SNX3: variants seen among roughly 807,000 people sequenced by gnomAD.
SNX3 encodes sorting nexin-3.
In SNX3, 5 loss-of-function variants were observed where a neutral mutation model predicts 17.7. The observed-to-expected ratio is 0.28, with a 90% CI of 0.15 to 0.59. The LOEUF (loss-of-function observed/expected upper bound fraction) is 0.59. Ranked by LOEUF, SNX3 falls within the 20% of genes least tolerant of loss-of-function variation. SNX3 has a pLI of 0.88. For synonymous variants in SNX3, 91 were observed against 76.5 expected (o/e 1.19, Z -0.99); for missense variants, 132 against 206.8 (o/e 0.64, Z 2.22).
chr6:108,250,509 C>G (rs1202645092), intron 1 of SNX3, among the ~76,000 whole-genome samples: 1 of 152,144 alleles, frequency 6.6e-6, no homozygotes, highest in East Asian at 1.9e-4. Flanking sequence ...CAGTTATATA[C>G]CATGGGGGAA....
intron 1 of SNX3, among the ~76,000 whole-genome samples, chr6:108,238,461 A>G (rs867862621): frequency 6.6e-6 from 1 of 152,108 alleles, no homozygotes; most frequent in African/African-American, 2.4e-5. Flanking sequence ...TTACACCACT[A>G]CATATCAAAA....
intron 1 of SNX3, among the ~76,000 whole-genome samples, chr6:108,251,788 T>G (rs1201504791): frequency 6.6e-6 from 1 of 152,174 alleles, no homozygotes; most frequent in African/African-American, 2.4e-5. Flanking sequence ...AAAGAAGTAG[T>G]GGCCAGGCGC....
At chr6:108,241,138 C>T (rs1486196191) in intron 1 of SNX3, among the ~76,000 whole-genome samples, 1 of 101,472 alleles carries the variant, frequency 9.9e-6, no homozygotes, top group African/African-American at 3.9e-5. Flanking sequence ...AGCAAGACTC[C>T]GTCTCAAAAA....
chr6:108,233,041 T>A (rs1775220101), intron 1 of SNX3, among the ~76,000 whole-genome samples: 1 of 152,226 alleles, frequency 6.6e-6, no homozygotes, highest in Admixed American at 6.5e-5. Context: ...GTGATACAAT[T>A]CCTCCTTATT....
rs11537584 is a variant in SNX3, at chr6:108,260,910, G to A, written c.12C>T (p.Thr4=). The part of the protein sequence containing the change: MAE[T]VADTRRLITK... The stretch of plus-strand genomic sequence containing the variant: ...TGATCAGCCGCCGGGTGTCAGCCAC[G>A]GTCTCCGCCATTTCGCTGTAGCTGC... Residue 4 remains threonine, a synonymous_variant, in exon 1 of 4, where the codon ACC becomes ACT. Transcript: ENST00000230085. 9.4e-6 allele frequency: 15 copies of A among 1,596,164 alleles called. No homozygotes were observed. The highest frequency in any genetic ancestry group is 6.8e-6 in the Non-Finnish European group (8 of 1,170,972).
intron 2 of SNX3, 128 bp downstream of exon 2, chr6:108,222,822 T>C (rs1446680744): frequency 4.4e-6 from 3 of 684,380 alleles, no homozygotes; most frequent in African/African-American, 1.8e-5. Context: ...AAAATGACAC[T>C]GAACTATTTG....
intron 1 of SNX3, among the ~76,000 whole-genome samples, chr6:108,225,011 G>A (rs909972745): frequency 6.6e-6 from 1 of 152,174 alleles, no homozygotes; most frequent in Non-Finnish European, 1.5e-5. Flanking sequence ...GGCAGGGCGC[G>A]GTGGCTCATG....
chr6:108,228,355 C>T (rs894766890), intron 1 of SNX3, among the ~76,000 whole-genome samples: 3 of 152,178 alleles, frequency 2.0e-5, no homozygotes, highest in Admixed American at 1.3e-4. Flanking sequence ...TCGCGACCAG[C>T]CTGGACAACA....
At chr6:108,259,032 T>C (rs1325187818) in intron 1 of SNX3, among the ~76,000 whole-genome samples, 2 of 151,966 alleles carry the variant, frequency 1.3e-5, no homozygotes, top group Admixed American at 6.6e-5. Context: ...AGTTCTGTTT[T>C]AGCACAAGAA....
chr6:108,221,445 G>C (rs1307169269), intron 2 of SNX3, among the ~76,000 whole-genome samples: 1 of 148,672 alleles, frequency 6.7e-6, no homozygotes, highest in Admixed American at 6.7e-5. Flanking sequence ...CACAAAGGAC[G>C]AGCTAAAATG....
intron 3 of SNX3, among the ~76,000 whole-genome samples, chr6:108,214,067 T>A (rs1189218031): frequency 6.6e-6 from 1 of 152,190 alleles, no homozygotes; most frequent in East Asian, 1.9e-4. Flanking sequence ...AAAGAATACA[T>A]TTTACCATGA....
At chr6:108,238,111 A>C (rs1186712116) in intron 1 of SNX3, among the ~76,000 whole-genome samples, 6 of 151,412 alleles carry the variant, frequency 4.0e-5, no homozygotes, top group Admixed American at 2.0e-4. Flanking sequence ...CAAAAAAAAA[A>C]AAAAAAAAAC....
At chr6:108,219,720 C>T (rs1774697158) in intron 2 of SNX3, among the ~76,000 whole-genome samples, 1 of 152,182 alleles carries the variant, frequency 6.6e-6, no homozygotes, top group Non-Finnish European at 1.5e-5. Flanking sequence ...AATTCCTTTC[C>T]CACTGAATGA....
intron 1 of SNX3, among the ~76,000 whole-genome samples, chr6:108,235,690 G>A (rs564599800): frequency 6.6e-6 from 1 of 152,148 alleles, no homozygotes; most frequent in Non-Finnish European, 1.5e-5. Context: ...GAGGTCAGGA[G>A]ATCACGACTA....
At chr6:108,259,475 G>A (rs186202212) in intron 1 of SNX3, among the ~76,000 whole-genome samples, 1 of 151,990 alleles carries the variant, frequency 6.6e-6, no homozygotes, top group Admixed American at 6.6e-5. Context: ...TCGGTGATCC[G>A]CCCAGCTCGG....
At chr6:108,233,648 C>T (rs994358449) in intron 1 of SNX3, among the ~76,000 whole-genome samples, 13 of 152,132 alleles carry the variant, frequency 8.5e-5, no homozygotes, top group African/African-American at 3.1e-4. Flanking sequence ...ACTCGGGAGG[C>T]TGAGGTGGGA....
Position 108,212,882 on chromosome 6 carries a change from CTTTTTTTTTTTT to C in SNX3, c.384-640_384-629del, listed in dbSNP as rs776376957. On this transcript the variant is annotated intron_variant, in intron 3 of 3. Coordinates refer to ENST00000230085, the MANE Select transcript of SNX3 (RefSeq NM_003795.6). Reference sequence around the variant, plus strand: ...AAGCATGTCAATTGATCCTAAGAATCTTTTTTTTTTTTTTTTTTTTTTGAGACAAAAGTGTTG... The same window carrying C: ...AAGCATGTCAATTGATCCTAAGAATCTTTTTTTTTTGAGACAAAAGTGTTG... Among the ~76,000 whole-genome samples the C allele has an allele frequency of 9.7e-3, 1,149 of 118,974 alleles. 23 individuals are homozygous for C. Among genetic ancestry groups the C allele is most frequent in the African/African-American group, 0.034 (1,093 of 32,382 alleles). The allele number at this position is 118,974 out of a possible 152,430, so 78.1% of individuals were successfully genotyped here. A position where few individuals can be genotyped will look rare whatever the true frequency, so the allele number is the denominator to read the frequency against.
chr6:108,211,992 T>C lies in SNX3; in HGVS notation c.*157A>G, dbSNP rs566084578. 1,049 of 542,788 alleles carry C rather than the reference T, an allele frequency of 1.9e-3. 5 individuals are homozygous for C. The highest frequency in any genetic ancestry group is 0.014 in the African/African-American group (710 of 50,902). The allele number at this position is 542,788 out of a possible 1,614,324, so 33.6% of individuals were successfully genotyped here. On this transcript the variant is annotated 3_prime_UTR_variant, in exon 4 of 4. Transcript: ENST00000230085. Reference sequence around the variant, plus strand: ...ATTTTTACTAAAGCAAATTAACTTCTTGTCAACTGCCAAAACAAAACAAAA... The same window carrying C: ...ATTTTTACTAAAGCAAATTAACTTCCTGTCAACTGCCAAAACAAAACAAAA...
chr6:108,259,660 AAATAC>A (rs1241399011), intron 1 of SNX3, among the ~76,000 whole-genome samples: 9 of 152,254 alleles, frequency 5.9e-5, no homozygotes, highest in African/African-American at 2.2e-4. Flanking sequence ...CATTTTTTAA[AAATAC>A]TTAAGTTTCA....
Sources: gnomAD v4.1 joint callset for allele counts (sites outside exome capture counted in the v4.1 genomes callset) on GRCh38, gnomAD v4.1.1 for gene constraint, MANE v1.5 for transcripts, NCBI Gene and HGNC (gene_info 2026-07-23, HGNC 2026-07-21) for gene names.